WWOX: variants seen among roughly 807,000 people sequenced by gnomAD.
WWOX encodes the protein WW domain containing oxidoreductase.
Under a neutral mutation model 46.2 loss-of-function variants are expected in WWOX, and 69 were observed. The observed-to-expected ratio is 1.49, with a 90% CI of 1.23 to 1.82. WWOX has a LOEUF of 1.82. WWOX is among the 40% of genes most tolerant of loss of function. WWOX has a pLI of 0.00. For missense variants in WWOX, 919 were observed against 542.6 expected (o/e 1.69, Z -6.89); for synonymous variants, 359 against 202.6 (o/e 1.77, Z -6.56).
chr16:78,273,101 G>T (rs917228042), intron 5 of WWOX, among the ~76,000 whole-genome samples: 6 of 152,158 alleles, frequency 3.9e-5, no homozygotes, highest in African/African-American at 1.4e-4. Flanking sequence ...ATCTTTGTCA[G>T]AGATAGAGTC....
chr16:79,003,913 A>T (rs770645811), intron 8 of WWOX, among the ~76,000 whole-genome samples: 1 of 152,186 alleles, frequency 6.6e-6, no homozygotes. Context: ...AAGCGAATTG[A>T]TGGGCAGATT....
At chr16:78,972,442 C>T (rs1174121466) in intron 8 of WWOX, among the ~76,000 whole-genome samples, 1 of 145,502 alleles carries the variant, frequency 6.9e-6, no homozygotes, top group Non-Finnish European at 1.5e-5. Context: ...TAGAAATAGT[C>T]ACTGGAAGGA....
At chr16:78,624,041 G>A (rs1387820452) in intron 8 of WWOX, among the ~76,000 whole-genome samples, 1 of 152,150 alleles carries the variant, frequency 6.6e-6, no homozygotes, top group Non-Finnish European at 1.5e-5. Context: ...AGAACCCACA[G>A]CATCTTGCAC....
intron 8 of WWOX, among the ~76,000 whole-genome samples, chr16:79,175,191 A>T (rs1422693219): frequency 6.6e-6 from 1 of 152,238 alleles, no homozygotes; most frequent in Non-Finnish European, 1.5e-5. Flanking sequence ...AATATGCCTC[A>T]TTCTAGTTGC....
At chr16:78,907,797 C>G (rs749076333) in intron 8 of WWOX, among the ~76,000 whole-genome samples, 20 of 152,090 alleles carry the variant, frequency 1.3e-4, no homozygotes, top group Non-Finnish European at 2.6e-4. Context: ...TGTAATGGAG[C>G]CAGTCCTAGG....
intron 8 of WWOX, among the ~76,000 whole-genome samples, chr16:78,953,000 C>A (rs1002925969): frequency 6.6e-6 from 1 of 151,526 alleles, no homozygotes; most frequent in African/African-American, 2.4e-5. Context: ...ACGCATTTCT[C>A]TGATTTGTGG....
chr16:78,974,582 A>G (rs2151326665), intron 8 of WWOX, among the ~76,000 whole-genome samples: 1 of 152,338 alleles, frequency 6.6e-6, no homozygotes, highest in East Asian at 1.9e-4. Flanking sequence ...GCAGGGAATT[A>G]TTTCAGTTTT....
At chr16:78,662,429 G>T (rs1410524984) in intron 8 of WWOX, among the ~76,000 whole-genome samples, 1 of 151,974 alleles carries the variant, frequency 6.6e-6, no homozygotes, top group Non-Finnish European at 1.5e-5. Context: ...CTAGCTTTAT[G>T]TGGAGAAAAC....
intron 8 of WWOX, chr16:78,897,240 T>TAGA (rs1555562292): frequency 1.3e-4 from 7 of 53,724 alleles, no homozygotes; most frequent in African/African-American, 6.1e-4. Flanking sequence ...AGACTGTCTT[T>TAGA]AAAAAAAAAA....
chr16:78,958,889 A>G (rs2046220839), intron 8 of WWOX, among the ~76,000 whole-genome samples: 1 of 152,136 alleles, frequency 6.6e-6, no homozygotes, highest in South Asian at 2.1e-4. Flanking sequence ...GTTGCATTCA[A>G]CTCCATAGGG....
rs181932687 is a variant in WWOX at position 78,698,334 on chromosome 16, G to A, written c.1056+265582G>A. On this transcript the variant is annotated intron_variant, in intron 8 of 8. Coordinates refer to ENST00000566780, the MANE Select transcript of WWOX (RefSeq NM_016373.4). Reference sequence around the variant, plus strand: ...CGAAGGGAGATGAGAGATACAGATGGTTAATGGGATTTTTGGGGTATCTTC... The same window carrying A: ...CGAAGGGAGATGAGAGATACAGATGATTAATGGGATTTTTGGGGTATCTTC... 1.9e-4 allele frequency among the ~76,000 whole-genome samples: 29 copies of A among 152,280 alleles called. 1 individual carries two copies. The East Asian group carries it at 4.4e-3, about 23-fold the overall frequency.
chr16:78,704,093 T>A (rs143326322), intron 8 of WWOX, among the ~76,000 whole-genome samples: 3 of 152,112 alleles, frequency 2.0e-5, no homozygotes, highest in African/African-American at 7.2e-5. Context: ...CACTAGATGT[T>A]GTTCCACCCA....
chr16:78,621,004 A>G (rs1366500676), intron 8 of WWOX, among the ~76,000 whole-genome samples: 1 of 152,130 alleles, frequency 6.6e-6, no homozygotes, highest in Non-Finnish European at 1.5e-5. Context: ...AAATAATCCA[A>G]CTCAAAGGCT....
At chr16:78,798,444 A>C (rs1255833190) in intron 8 of WWOX, among the ~76,000 whole-genome samples, 5 of 152,208 alleles carry the variant, frequency 3.3e-5, no homozygotes, top group Admixed American at 3.3e-4. Context: ...CTATTTTATC[A>C]TTAATATGCC....
At chr16:78,552,577 G>A (rs549636960) in intron 8 of WWOX, 1 of 152,234 alleles carries the variant, frequency 6.6e-6, no homozygotes, top group Admixed American at 6.5e-5. Context: ...CCGGTGGGAG[G>A]TCAGATTTCC....
At chr16:79,131,439 G>A (rs1488011685) in intron 8 of WWOX, among the ~76,000 whole-genome samples, 1 of 152,054 alleles carries the variant, frequency 6.6e-6, no homozygotes, top group African/African-American at 2.4e-5. Flanking sequence ...GTTCATTTAT[G>A]GAAATTAGAT....
At chr16:79,008,647 C>T (rs766859117) in intron 8 of WWOX, among the ~76,000 whole-genome samples, 3 of 152,204 alleles carry the variant, frequency 2.0e-5, no homozygotes, top group Non-Finnish European at 4.4e-5. Flanking sequence ...AGAGCTTGGG[C>T]ATGCTCCCGA....
At chr16:79,025,632 T>C (rs577308270) in intron 8 of WWOX, among the ~76,000 whole-genome samples, 8 of 152,242 alleles carry the variant, frequency 5.3e-5, no homozygotes, top group African/African-American at 1.4e-4. Context: ...ACCTAGACTT[T>C]AGACTTCTGG....
At chr16:78,945,885 CT>C (rs1385092387) in intron 8 of WWOX, among the ~76,000 whole-genome samples, 1 of 152,136 alleles carries the variant, frequency 6.6e-6, no homozygotes, top group African/African-American at 2.4e-5. Flanking sequence ...CTGGCTCTTC[CT>C]TTAACTGCCC....
Sources: allele counts gnomAD v4.1 joint callset (sites outside exome capture counted in the v4.1 genomes callset), GRCh38; gene constraint gnomAD v4.1.1; transcripts MANE v1.5; gene names NCBI Gene and HGNC (gene_info 2026-07-23, HGNC 2026-07-21).